The following DIP2B variants were observed in gnomAD, a reference collection of about 807,000 sequenced individuals.
The protein encoded by DIP2B is disco-interacting protein 2 homolog B.
In DIP2B, 76 loss-of-function variants were observed where a neutral mutation model predicts 198.0. The ratio of observed to expected loss-of-function variants is 0.38; its 90% CI spans 0.32 to 0.46. The LOEUF (loss-of-function observed/expected upper bound fraction) is 0.46, where lower values mean the gene tolerates loss of function less well. DIP2B is among the 20% of genes least tolerant of loss of function. DIP2B has a pLI of 0.99. For synonymous variants in DIP2B, 701 were observed against 739.1 expected (o/e 0.95, Z 0.84); for missense variants, 1,559 against 1,978.4 (o/e 0.79, Z 4.02).
At chr12:50,608,211 G>A (rs1485969038) in intron 1 of DIP2B, among the ~76,000 whole-genome samples, 6 of 152,174 alleles carry the variant, frequency 3.9e-5, no homozygotes, top group African/African-American at 1.4e-4. Context: ...TCTTGATGGG[G>A]AAGTCTTAGC....
intron 3 of DIP2B, among the ~76,000 whole-genome samples, chr12:50,649,690 C>A (rs886412186): frequency 1.3e-5 from 2 of 152,024 alleles, no homozygotes; most frequent in Non-Finnish European, 2.9e-5. Flanking sequence ...TCCATCTCTA[C>A]TAAAAATACA....
In DIP2B at chr12:50,708,455, G is replaced by T. The variant is rs1939554398; in HGVS notation, c.2542G>T (p.Val848Leu). ...TTGATCTGTCTCTCTTAGAATTGCT[G>T]TGTTTTCTGTGTCTGTATTTTATGA... ...IKTVYRGRIA[V>L]FSVSVFYDER... Residue 848 changes from valine (V) to leucine (L), a missense_variant, in exon 22 of 38, where the codon GTG becomes TTG. Transcript: ENST00000301180. 1 of 1,596,206 alleles carries T rather than the reference G, an allele frequency of 6.3e-7. No homozygotes were observed. The highest frequency in any genetic ancestry group is 8.5e-7 in the Non-Finnish European group (1 of 1,169,994).
In DIP2B at chr12:50,739,358, A is replaced by G. The variant is rs781629206; in HGVS notation, c.4177-51A>G. The G allele has an allele frequency of 2.6e-6, 4 of 1,565,144 alleles. No individual in the cohort carries two copies. In the Admixed American group the frequency reaches 7.2e-5, roughly 28 times the overall value. The stretch of plus-strand genomic sequence containing the variant: ...CAAAATAACCTGATCCAAGAGAATT[A>G]ATACAGTTGTGTGTCCCCAGTGAGT... On this transcript the variant is annotated intron_variant, in intron 35 of 37. Transcript: ENST00000301180.
intron 13 of DIP2B, among the ~76,000 whole-genome samples, chr12:50,691,756 GGATT>G (rs63357663): frequency 0.25 from 38,271 of 151,876 alleles, 5,862 homozygotes; most frequent in Non-Finnish European, 0.35. Context: ...CCTTAAATAA[GGATT>G]GATTAAGTTA....
intron 1 of DIP2B, 112 bp downstream of exon 1, chr12:50,505,352 T>C (rs2139331889): frequency 1.2e-6 from 1 of 827,066 alleles, no homozygotes; most frequent in South Asian, 1.9e-5. Context: ...GACGAGGGTG[T>C]AGAGAACCTG....
chr12:50,648,700 C>CA (rs1938396739), intron 3 of DIP2B, among the ~76,000 whole-genome samples: 1 of 136,508 alleles, frequency 7.3e-6, no homozygotes, highest in Non-Finnish European at 1.7e-5. Flanking sequence ...TTGTTCTTCC[C>CA]CCCCCCCTCC....
chr12:50,516,892 A>C (rs1394690359), intron 1 of DIP2B, among the ~76,000 whole-genome samples: 1 of 151,908 alleles, frequency 6.6e-6, no homozygotes, highest in Non-Finnish European at 1.5e-5. Flanking sequence ...AGTTAGGAGA[A>C]TTGCTTGAGC....
At chr12:50,549,902 T>C (rs1316556080) in intron 1 of DIP2B, among the ~76,000 whole-genome samples, 1 of 152,116 alleles carries the variant, frequency 6.6e-6, no homozygotes, top group East Asian at 1.9e-4. Context: ...AAGTTCCTTA[T>C]ATAACTAAGG....
intron 19 of DIP2B, among the ~76,000 whole-genome samples, chr12:50,703,868 T>G (rs1056873327): frequency 3.3e-5 from 5 of 150,296 alleles, no homozygotes; most frequent in African/African-American, 1.2e-4. Flanking sequence ...AAGTATAATA[T>G]CTGTTTGAAA....
In DIP2B at chr12:50,695,703, T is replaced by C. The variant is rs189951966; in HGVS notation, c.1814-145T>C. 1.9e-5 allele frequency: 22 copies of C among 1,153,086 alleles called. No individual in the cohort carries two copies. The East Asian group carries it at 5.3e-4, about 28-fold the overall frequency. The allele number at this position is 1,153,086 out of a possible 1,614,324, so 71.4% of individuals were successfully genotyped here. On this transcript the variant is annotated intron_variant, in intron 15 of 37. Coordinates refer to ENST00000301180, the MANE Select transcript of DIP2B (RefSeq NM_173602.3). ...TGTGATAATTTCTGCCTCTGAGCTATTGGCACAATCTCTTTGAAACCGTTT... is the reference window on the plus strand; with the variant it reads ...TGTGATAATTTCTGCCTCTGAGCTACTGGCACAATCTCTTTGAAACCGTTT...
At chr12:50,710,511 C>T (rs367664476) in intron 22 of DIP2B, among the ~76,000 whole-genome samples, 2 of 152,036 alleles carry the variant, frequency 1.3e-5, no homozygotes, top group East Asian at 1.9e-4. Context: ...GCAACCTCCG[C>T]CTCCTGGGTT....
At chr12:50,603,228 G>A (rs1958953871) in intron 1 of DIP2B, among the ~76,000 whole-genome samples, 1 of 151,880 alleles carries the variant, frequency 6.6e-6, no homozygotes, top group Admixed American at 6.6e-5. Context: ...TCAAGCAAAT[G>A]AGTGGTGACA....
Position 50,532,251 on chromosome 12 carries a change from A to G in DIP2B, c.100+27011A>G, listed in dbSNP as rs558726433. On this transcript the variant is annotated intron_variant, in intron 1 of 37. Transcript: ENST00000301180. ...GAGTGTTGGCCGGGTGCGGTGGCTC[A>G]TGCCTGTAATCCCAGCACTTTGGGA... Among the ~76,000 whole-genome samples the G allele has an allele frequency of 2.5e-4, 38 of 152,314 alleles. 1 individual carries two copies. The East Asian group carries it at 7.3e-3, about 29-fold the overall frequency.
intron 31 of DIP2B, among the ~76,000 whole-genome samples, chr12:50,732,083 G>C (rs1412944663): frequency 2.0e-5 from 3 of 152,144 alleles, no homozygotes; most frequent in Non-Finnish European, 2.9e-5. Context: ...GGACATCTAA[G>C]GTACAGAAAT....
chr12:50,741,349 G>A (rs975647170), intron 36 of DIP2B, 67 bp from the exon 37 acceptor site: 2 of 1,562,582 alleles, frequency 1.3e-6, no homozygotes, highest in Admixed American at 3.5e-5. Flanking sequence ...CCTGTGCTGT[G>A]GACTCCAGTG....
intron 10 of DIP2B, 107 bp from the exon 11 acceptor site, chr12:50,685,726 C>T (rs1181110307): frequency 7.7e-7 from 1 of 1,292,740 alleles, no homozygotes; most frequent in Non-Finnish European, 1.0e-6. Flanking sequence ...GGTGGGGCTC[C>T]ATGAATGTTA....
intron 4 of DIP2B, among the ~76,000 whole-genome samples, chr12:50,662,295 A>G (rs1166734728): frequency 6.6e-6 from 1 of 152,206 alleles, no homozygotes; most frequent in Non-Finnish European, 1.5e-5. Context: ...TGTGAGGGAC[A>G]TCTGTGTTGT....
intron 1 of DIP2B, among the ~76,000 whole-genome samples, chr12:50,519,496 T>G (rs1395499781): frequency 6.6e-6 from 1 of 152,240 alleles, no homozygotes; most frequent in Admixed American, 6.5e-5. Flanking sequence ...AGTTACTTTT[T>G]CTTCCTTGAA....
chr12:50,711,837 G>A (rs925545882), intron 22 of DIP2B, among the ~76,000 whole-genome samples: 1 of 152,232 alleles, frequency 6.6e-6, no homozygotes, highest in African/African-American at 2.4e-5. Flanking sequence ...TGGGATTACA[G>A]GCGTGAGTCA....
Sources: allele counts gnomAD v4.1 joint callset (sites outside exome capture counted in the v4.1 genomes callset), GRCh38; gene constraint gnomAD v4.1.1; transcripts MANE v1.5; gene names NCBI Gene and HGNC (gene_info 2026-07-23, HGNC 2026-07-21).